ADK: variants seen among roughly 807,000 people sequenced by gnomAD.
The protein encoded by ADK is adenosine kinase, also known as N6,N6-dimethyladenosine kinase.
A neutral mutation model predicts 44.7 loss-of-function variants in ADK; 24 were observed. The observed-to-expected ratio is 0.54, with a 90% CI of 0.39 to 0.76. The LOEUF (loss-of-function observed/expected upper bound fraction) is 0.76. ADK is among the 30% of genes least tolerant of loss of function. The probability of loss-of-function intolerance (pLI) is 0.00; values close to 1 mark genes in which losing one functional copy is unlikely to be tolerated. For missense variants in ADK, 321 were observed against 425.1 expected (o/e 0.76, Z 2.15); for synonymous variants, 128 against 142.6 (o/e 0.90, Z 0.73).
chr10:74,661,343 C>G (rs1261403512), intron 9 of ADK: 1 of 921,766 alleles, frequency 1.1e-6, no homozygotes, highest in Non-Finnish European at 1.3e-6. Context: ...TTTACTACTT[C>G]TCTTTCATTC....
intron 6 of ADK, among the ~76,000 whole-genome samples, chr10:74,459,549 T>G (rs112789701): frequency 0.029 from 4,376 of 151,556 alleles, 174 homozygotes; most frequent in African/African-American, 0.087. Flanking sequence ...GCCAACATGG[T>G]GAAACCTCGT....
At chr10:74,495,826 A>G (rs1263211099) in intron 6 of ADK, among the ~76,000 whole-genome samples, 2 of 152,158 alleles carry the variant, frequency 1.3e-5, no homozygotes, top group East Asian at 1.9e-4. Flanking sequence ...TTTCAGCTCT[A>G]CTAGTTACCT....
intron 4 of ADK, chr10:74,371,484 T>C (rs1842655840): frequency 1.5e-6 from 1 of 678,460 alleles, no homozygotes; most frequent in South Asian, 1.6e-5. Flanking sequence ...TAGACGTCCA[T>C]ACGGCGTTCT....
At chr10:74,332,989 T>G (rs1376791978) in intron 4 of ADK, among the ~76,000 whole-genome samples, 1 of 152,180 alleles carries the variant, frequency 6.6e-6, no homozygotes, top group African/African-American at 2.4e-5. Flanking sequence ...ACTGTTCCTC[T>G]TAAGAAGCAG....
intron 4 of ADK, among the ~76,000 whole-genome samples, chr10:74,347,421 C>T (rs10824154): frequency 0.65 from 98,704 of 151,830 alleles, 33,311 homozygotes; most frequent in Middle Eastern, 0.8. Context: ...TTTTGCAATC[C>T]GCAGATCAGG....
intron 9 of ADK, among the ~76,000 whole-genome samples, chr10:74,661,542 C>T (rs1854727803): frequency 6.6e-6 from 1 of 152,172 alleles, no homozygotes; most frequent in Non-Finnish European, 1.5e-5. Flanking sequence ...ATTCCATTGC[C>T]TGATGTATCA....
intron 3 of ADK, among the ~76,000 whole-genome samples, chr10:74,230,981 C>T (rs376512987): frequency 6.6e-6 from 1 of 152,090 alleles, no homozygotes; most frequent in Non-Finnish European, 1.5e-5. Context: ...CGCGCCTGGC[C>T]GCCAGTAATT....
At chr10:74,615,081 T>C (rs1852700288) in intron 9 of ADK, among the ~76,000 whole-genome samples, 1 of 152,208 alleles carries the variant, frequency 6.6e-6, no homozygotes, top group Non-Finnish European at 1.5e-5. Context: ...TGGCTCTCAT[T>C]ATCTAAAATG....
At chr10:74,661,871 A>G (rs1854743757) in intron 9 of ADK, among the ~76,000 whole-genome samples, 1 of 152,156 alleles carries the variant, frequency 6.6e-6, no homozygotes, top group African/African-American at 2.4e-5. Flanking sequence ...TTCTCTTTCC[A>G]TCTAGATTCT....
chr10:74,195,707 CTTTTTTTTTTT>C (rs71475265), intron 1 of ADK, among the ~76,000 whole-genome samples: 4 of 97,526 alleles, frequency 4.1e-5, no homozygotes, highest in Non-Finnish European at 5.8e-5. Context: ...TCTTTTCTTT[CTTTTTTTTTTT>C]TTTTTTTTTG....
chr10:74,650,719 A>G (rs1442627929), intron 9 of ADK, among the ~76,000 whole-genome samples: 1 of 152,214 alleles, frequency 6.6e-6, no homozygotes, highest in Non-Finnish European at 1.5e-5. Context: ...TAATGACATC[A>G]ACCTTGCAGT....
intron 4 of ADK, among the ~76,000 whole-genome samples, chr10:74,316,201 C>T (rs1016509776): frequency 1.3e-5 from 2 of 151,330 alleles, no homozygotes; most frequent in African/African-American, 2.4e-5. Context: ...GATCATGCCA[C>T]TGCACTCCAG....
intron 3 of ADK, among the ~76,000 whole-genome samples, chr10:74,313,010 A>G (rs947994017): frequency 3.3e-5 from 5 of 151,336 alleles, no homozygotes; most frequent in African/African-American, 4.9e-5. Flanking sequence ...TAACAAACTT[A>G]TACAATGTCT....
chr10:74,666,117 CT>C (rs1220502089), intron 9 of ADK, among the ~76,000 whole-genome samples: 3 of 152,170 alleles, frequency 2.0e-5, no homozygotes, highest in Non-Finnish European at 4.4e-5. Context: ...ATTGTAGAAA[CT>C]TAACCATCTC....
chr10:74,544,605 G>A (rs146389029), intron 7 of ADK, among the ~76,000 whole-genome samples: 1 of 152,074 alleles, frequency 6.6e-6, no homozygotes, highest in East Asian at 1.9e-4. Context: ...GGTTGGCCAC[G>A]GTGGCTCACA....
chr10:74,324,246 T>C (rs997132651), intron 4 of ADK, among the ~76,000 whole-genome samples: 2 of 151,968 alleles, frequency 1.3e-5, no homozygotes, highest in African/African-American at 4.8e-5. Context: ...CACAGGCTGA[T>C]GTTGAATTCC....
At chr10:74,652,091 A>G (rs974049677) in intron 9 of ADK, among the ~76,000 whole-genome samples, 1 of 142,578 alleles carries the variant, frequency 7.0e-6, no homozygotes, top group Admixed American at 7.3e-5. Context: ...TCTTGTCACT[A>G]TGCTAGTAGC....
chr10:74,357,920 C>T (rs4745744), intron 4 of ADK, among the ~76,000 whole-genome samples: 97,987 of 151,898 alleles, frequency 0.65, 32,918 homozygotes, highest in Middle Eastern at 0.79. Context: ...TATATACATA[C>T]ATATTTCAGA....
intron 3 of ADK, among the ~76,000 whole-genome samples, chr10:74,243,176 C>T (rs1388429229): frequency 6.6e-6 from 1 of 152,204 alleles, no homozygotes; most frequent in East Asian, 1.9e-4. Context: ...AACACTTTCT[C>T]TGGGGTTTTG....
Sources: allele counts gnomAD v4.1 joint callset (sites outside exome capture counted in the v4.1 genomes callset), GRCh38; gene constraint gnomAD v4.1.1; transcripts MANE v1.5; gene names NCBI Gene and HGNC (gene_info 2026-07-23, HGNC 2026-07-21).